The following TPX2 variants were observed in gnomAD, a reference collection of about 807,000 sequenced individuals.
TPX2 encodes TPX2 microtubule nucleation factor, also known as targeting protein for Xklp2.
TPX2 carries 21 observed loss-of-function variants against 93.6 expected under a neutral mutation model. The ratio of observed to expected loss-of-function variants is 0.22; its 90% confidence interval spans 0.16 to 0.32. The LOEUF is 0.32. Among genes scored for constraint, TPX2 ranks in the 10% least tolerant of loss-of-function variants. TPX2 has a pLI of 1.00. For synonymous variants in TPX2, 281 were observed against 298.3 expected (o/e 0.94, Z 0.60); for missense variants, 776 against 871.1 (o/e 0.89, Z 1.37).
chr20:31,766,957 A>G (rs1411630797), intron 5 of TPX2, among the ~76,000 whole-genome samples: 1 of 151,578 alleles, frequency 6.6e-6, no homozygotes, highest in Non-Finnish European at 1.5e-5. Context: ...ACCTGCCACC[A>G]CACCCGGCTA....
At chr20:31,745,059 C>T (rs2061775740) in intron 2 of TPX2, among the ~76,000 whole-genome samples, 1 of 152,186 alleles carries the variant, frequency 6.6e-6, no homozygotes, top group Non-Finnish European at 1.5e-5. Flanking sequence ...TGCACTACTG[C>T]AGCCTAGGCA....
At chr20:31,753,744 G>A (rs972963999) in intron 2 of TPX2, among the ~76,000 whole-genome samples, 107 of 152,282 alleles carry the variant, frequency 7.0e-4, no homozygotes, top group African/African-American at 2.4e-3. Context: ...AGATGTTTCT[G>A]GCCGGGTGCG....
intron 4 of TPX2, among the ~76,000 whole-genome samples, chr20:31,765,425 CCT>C (rs1254261595): frequency 6.6e-6 from 1 of 151,688 alleles, no homozygotes; most frequent in Non-Finnish European, 1.5e-5. Flanking sequence ...ATCCCTACCC[CCT>C]GTCCTTTTTC....
chr20:31,771,432 G>A, intron 6 of TPX2, 128 bp from the exon 7 acceptor site: 1 of 1,198,856 alleles, frequency 8.3e-7, no homozygotes, highest in South Asian at 1.7e-5. Context: ...GAAGAATCAT[G>A]TGGTCGAAGC....
At chr20:31,784,271 TTG>T (rs1413746901) in intron 12 of TPX2, among the ~76,000 whole-genome samples, 1 of 152,236 alleles carries the variant, frequency 6.6e-6, no homozygotes, top group African/African-American at 2.4e-5. Context: ...GTAATAGTTA[TTG>T]TGTTGCTATT....
intron 12 of TPX2, among the ~76,000 whole-genome samples, chr20:31,790,106 A>C (rs933325109): frequency 6.6e-6 from 1 of 152,196 alleles, no homozygotes; most frequent in African/African-American, 2.4e-5. Context: ...TAGTGTCCAC[A>C]TGTCTATAGA....
rs1555787880 is a variant in TPX2 at position 31,786,409 on chromosome 20, T to TGTTTTGTTTTTTG, written c.1413+2488_1413+2489insGTTTTGTTTTTTG. The stretch of plus-strand genomic sequence containing the variant: ...TCACACCTGAACTACTGTTTTTTTT[T>TGTTTTGTTTTTTG]TTTTTTGAGACAATCTCACTCTGTT... On this transcript the variant is annotated intron_variant, in intron 12 of 17. Transcript: ENST00000300403. 3.7e-4 allele frequency among the ~76,000 whole-genome samples: 55 copies of TGTTTTGTTTTTTG among 146,998 alleles called. 1 individual carries two copies. Among genetic ancestry groups the TGTTTTGTTTTTTG allele is most frequent in the African/African-American group, 7.4e-4 (29 of 39,060 alleles).
intron 2 of TPX2, 40 bp from the exon 3 acceptor site, chr20:31,757,367 G>A: frequency 1.2e-6 from 1 of 861,460 alleles, no homozygotes; most frequent in Non-Finnish European, 1.8e-6. Context: ...GTAATGATGG[G>A]AATTTACTTA....
intron 7 of TPX2, among the ~76,000 whole-genome samples, chr20:31,774,874 G>A (rs778397733): frequency 1.3e-5 from 2 of 152,064 alleles, no homozygotes; most frequent in African/African-American, 4.8e-5. Context: ...CAAGTAGCTG[G>A]GATTACAAGG....
intron 17 of TPX2, among the ~76,000 whole-genome samples, chr20:31,799,389 T>C (rs2062156450): frequency 6.6e-6 from 1 of 152,226 alleles, no homozygotes; most frequent in Non-Finnish European, 1.5e-5. Flanking sequence ...AAGGTGACTG[T>C]AGTTAATGAT....
chr20:31,755,305 A>AT (rs1241448345), intron 2 of TPX2, among the ~76,000 whole-genome samples: 4 of 149,880 alleles, frequency 2.7e-5, no homozygotes, highest in African/African-American at 9.9e-5. Flanking sequence ...GCTGGTCTCA[A>AT]ACTCCTGACC....
intron 2 of TPX2, among the ~76,000 whole-genome samples, chr20:31,753,402 A>T (rs1274750665): frequency 6.6e-6 from 1 of 152,226 alleles, no homozygotes; most frequent in Non-Finnish European, 1.5e-5. Context: ...TATCAGAAAG[A>T]ATACATATTT....
At chr20:31,786,580 T>G (rs1467093342) in intron 12 of TPX2, among the ~76,000 whole-genome samples, 1 of 152,138 alleles carries the variant, frequency 6.6e-6, no homozygotes, top group Non-Finnish European at 1.5e-5. Context: ...AGTTTTGTAT[T>G]TTTAGTAATG....
At chr20:31,773,413 A>G (rs2061976698) in intron 7 of TPX2, among the ~76,000 whole-genome samples, 2 of 146,720 alleles carry the variant, frequency 1.4e-5, no homozygotes, top group African/African-American at 4.9e-5. Context: ...AGCCTCCCAA[A>G]GTGCTGGGAT....
Position 31,777,487 on chromosome 20 carries a change from G to A in TPX2, c.731G>A (p.Gly244Glu). Residue 244 changes from glycine to glutamate, a missense_variant and splice_region_variant, in exon 9 of 18, where the codon GGG becomes GAG. Gly to Glu is a moderately conservative substitution (Grantham distance 98). Coordinates refer to ENST00000300403, the MANE Select transcript of TPX2 (RefSeq NM_012112.5). Reference sequence around the variant, plus strand: ...ATGTTTTACTGTGTTCATCTCTCAGGGCAACCTGTGAAGAAATCAGTGAGC... The same window carrying A: ...ATGTTTTACTGTGTTCATCTCTCAGAGCAACCTGTGAAGAAATCAGTGAGC... ...EFKKLALAGI[G>E]QPVKKSVSQV... 6.2e-7 allele frequency: 1 copy of A among 1,613,368 alleles called. No individual in the cohort carries two copies. Among genetic ancestry groups the A allele is most frequent in the Non-Finnish European group, 8.5e-7 (1 of 1,179,596 alleles).
intron 4 of TPX2, among the ~76,000 whole-genome samples, chr20:31,762,687 T>C (rs2061897499): frequency 6.6e-6 from 1 of 152,206 alleles, no homozygotes; most frequent in South Asian, 2.1e-4. Context: ...TTTAAGGTCT[T>C]ACATATTAGT....
At chr20:31,783,195 A>G (rs1264214599) in intron 11 of TPX2, among the ~76,000 whole-genome samples, 2 of 152,052 alleles carry the variant, frequency 1.3e-5, no homozygotes, top group Admixed American at 6.5e-5. Flanking sequence ...CTTAAGTGGT[A>G]GGGATGTTAG....
chr20:31,786,712 T>G (rs1284401940), intron 12 of TPX2, among the ~76,000 whole-genome samples: 1 of 152,132 alleles, frequency 6.6e-6, no homozygotes, highest in Non-Finnish European at 1.5e-5. Context: ...CTGAACTACA[T>G]TTTTGAAAAC....
At chr20:31,781,107 G>A (rs1467168749) in intron 10 of TPX2, 1 of 183,606 alleles carries the variant, frequency 5.4e-6, no homozygotes, top group Non-Finnish European at 1.2e-5. Flanking sequence ...TATTTTCTTA[G>A]GAGACAGGGT....
Sources: allele counts gnomAD v4.1 joint callset (sites outside exome capture counted in the v4.1 genomes callset), GRCh38; gene constraint gnomAD v4.1.1; transcripts MANE v1.5; gene names NCBI Gene and HGNC (gene_info 2026-07-23, HGNC 2026-07-21).